Variants in LRRIQ1 observed in about 807,000 individuals in gnomAD.
LRRIQ1 encodes leucine rich repeats and IQ motif containing 1.
LRRIQ1 carries 210 observed loss-of-function variants against 211.9 expected under a neutral mutation model. The ratio of observed to expected loss-of-function variants is 0.99; its 90% confidence interval spans 0.89 to 1.11. The LOEUF is 1.11. Ranked by LOEUF, LRRIQ1 falls within the 50% of genes most tolerant of loss-of-function variation. LRRIQ1 has a pLI of 0.00. For missense variants in LRRIQ1, 2,136 were observed against 1,939.5 expected, an observed-to-expected ratio of 1.10 and a Z score of -1.90; for synonymous variants, 699 against 650.1, an observed-to-expected ratio of 1.08 and a Z score of -1.14.
intron 24 of LRRIQ1, among the ~76,000 whole-genome samples, chr12:85,211,807 G>A (rs530270750): frequency 6.6e-6 from 1 of 152,086 alleles, no homozygotes; most frequent in Admixed American, 6.6e-5. Context: ...ATTCATAAAT[G>A]ATGGGCAATA....
chr12:85,157,225 TA>T (rs762668919), intron 23 of LRRIQ1, among the ~76,000 whole-genome samples: 1 of 151,790 alleles, frequency 6.6e-6, no homozygotes, highest in Non-Finnish European at 1.5e-5. Flanking sequence ...GGGCAGCTAC[TA>T]GGGGAGACTT....
At chr12:85,218,046 T>TA (rs1203934841) in intron 24 of LRRIQ1, among the ~76,000 whole-genome samples, 1 of 152,064 alleles carries the variant, frequency 6.6e-6, no homozygotes, top group Admixed American at 6.6e-5. Flanking sequence ...GCCTCCTTCA[T>TA]GGTTATTACT....
At chr12:85,047,219 A>G in intron 5 of LRRIQ1, 28 bp from the exon 6 acceptor site, 1 of 1,498,346 alleles carries the variant, frequency 6.7e-7, no homozygotes, top group Non-Finnish European at 9.0e-7. Context: ...CTTACAAATG[A>G]TGATGTTATT....
exon 2 of LRRIQ1, chr12:85,263,686 C>T (rs1593038132): frequency 6.6e-6 from 1 of 151,742 alleles, no homozygotes; most frequent in Admixed American, 6.6e-5. Flanking sequence ...GTTTATTACC[C>T]TTATTTATAG....
chr12:85,257,087 T>A (rs1386793513), intron 1 of LRRIQ1, among the ~76,000 whole-genome samples: 1 of 93,886 alleles, frequency 1.1e-5, no homozygotes, highest in African/African-American at 3.8e-5. Flanking sequence ...TATATAATTA[T>A]ATTATATAAT....
intron 24 of LRRIQ1, among the ~76,000 whole-genome samples, chr12:85,174,098 T>C (rs1891562335): frequency 6.6e-6 from 1 of 151,316 alleles, no homozygotes; most frequent in Non-Finnish European, 1.5e-5. Context: ...ACATGAAAAT[T>C]AGGGAAAAAA....
At chr12:85,228,291 T>C (rs1380479617) in intron 24 of LRRIQ1, among the ~76,000 whole-genome samples, 1 of 152,110 alleles carries the variant, frequency 6.6e-6, no homozygotes, top group East Asian at 1.9e-4. Flanking sequence ...GGGGCTAATA[T>C]CCAGAATCTA....
At position 85,056,432 on chromosome 12, in the gene LRRIQ1, G is replaced by T; in HGVS notation, c.1639G>T (p.Glu547Ter). The change falls in exon 8 of 27, where the codon GAG becomes TAG. Residue 547 changes from glutamate (E) to a stop codon, truncating the protein, a stop_gained. Coordinates refer to ENST00000393217, the MANE Select transcript of LRRIQ1 (RefSeq NM_001079910.2). LOFTEE classifies it high-confidence loss of function. ...AAAAATCATGAAACATGTCATAAAT[G>T]AGAATACAGGACAAAAAACCCAGAT... is the stretch of plus-strand genomic sequence containing the variant. ...EEKIMKHVINENTGQKTQIIL... is the reference protein window; with the variant it reads ...EEKIMKHVIN 1 of 1,595,312 alleles carries T rather than the reference G, an allele frequency of 6.3e-7. No individual in the cohort carries two copies. Among genetic ancestry groups the T allele is most frequent in the South Asian group, 1.2e-5 (1 of 85,792 alleles).
intron 24 of LRRIQ1, among the ~76,000 whole-genome samples, chr12:85,205,272 T>A (rs1368167172): frequency 6.6e-6 from 1 of 152,218 alleles, no homozygotes; most frequent in African/African-American, 2.4e-5. Flanking sequence ...TGGGTATGTC[T>A]TTATCAGCAG....
chr12:85,203,875 G>A (rs762720057), intron 24 of LRRIQ1, among the ~76,000 whole-genome samples: 6 of 152,148 alleles, frequency 3.9e-5, no homozygotes, highest in Admixed American at 3.9e-4. Flanking sequence ...CGAGGAGAAG[G>A]TCAAGCAGGC....
chr12:85,177,497 G>A (rs1891765963), intron 24 of LRRIQ1, among the ~76,000 whole-genome samples: 2 of 152,092 alleles, frequency 1.3e-5, no homozygotes, highest in Admixed American at 1.3e-4. Flanking sequence ...GGGAGGTTGT[G>A]TAGAATGACT....
intron 8 of LRRIQ1, among the ~76,000 whole-genome samples, chr12:85,057,887 C>A (rs1258440165): frequency 6.6e-6 from 1 of 151,926 alleles, no homozygotes; most frequent in Non-Finnish European, 1.5e-5. Context: ...TAGCTAAGGC[C>A]TGAAAGTCAA....
chr12:85,251,710 T>G (rs1235656261), intron 1 of LRRIQ1, among the ~76,000 whole-genome samples: 1 of 151,188 alleles, frequency 6.6e-6, no homozygotes, highest in Non-Finnish European at 1.5e-5. Flanking sequence ...AGTTTGTCCA[T>G]TAAGAGAACA....
intron 10 of LRRIQ1, 127 bp downstream of exon 10, chr12:85,067,025 A>G: frequency 2.1e-6 from 1 of 486,496 alleles, no homozygotes; most frequent in Non-Finnish European, 3.3e-6. Context: ...TACTTTTAAA[A>G]TTTAGATTAA....
intron 24 of LRRIQ1, among the ~76,000 whole-genome samples, chr12:85,223,834 C>T (rs1894520356): frequency 6.6e-6 from 1 of 151,984 alleles, no homozygotes; most frequent in Non-Finnish European, 1.5e-5. Context: ...AGATATTTTA[C>T]AATGTACAAA....
rs1433570632 is a variant in LRRIQ1, at chr12:85,056,536, A to G, written c.1743A>G (p.Lys581=). ...EQKIIKDNQQ[K]KIQKVEKEEI... Reference sequence around the variant, plus strand: ...AAATAATCAAAGATAATCAGCAGAAAAAGATACAAAAAGTAGAAAAAGAAG... The same window carrying G: ...AAATAATCAAAGATAATCAGCAGAAGAAGATACAAAAAGTAGAAAAAGAAG... The change falls in exon 8 of 27, where the codon AAA becomes AAG. Residue 581 remains lysine, a synonymous_variant. Coordinates refer to ENST00000393217, the MANE Select transcript of LRRIQ1 (RefSeq NM_001079910.2). 6.2e-7 allele frequency: 1 copy of G among 1,609,406 alleles called. No homozygotes were observed. Among genetic ancestry groups the G allele is most frequent in the African/African-American group, 1.3e-5 (1 of 74,620 alleles).
intron 11 of LRRIQ1, among the ~76,000 whole-genome samples, chr12:85,084,883 G>C (rs1057084774): frequency 4.0e-5 from 6 of 150,282 alleles, no homozygotes; most frequent in African/African-American, 1.2e-4. Flanking sequence ...CTGAGATCGC[G>C]CCACTGCACT....
At chr12:85,229,775 T>C (rs1894845185) in intron 25 of LRRIQ1, 126 bp downstream of exon 25, 1 of 847,438 alleles carries the variant, frequency 1.2e-6, no homozygotes, top group African/African-American at 1.8e-5. Flanking sequence ...CGTTGCCGGG[T>C]AATACAAAGG....
At chr12:85,091,077 A>G (rs992639820) in intron 11 of LRRIQ1, among the ~76,000 whole-genome samples, 4 of 151,728 alleles carry the variant, frequency 2.6e-5, no homozygotes, top group African/African-American at 9.7e-5. Flanking sequence ...CCTCTCTCTC[A>G]CTTGCTTCTT....
Sources: gnomAD v4.1 joint callset for allele counts (sites outside exome capture counted in the v4.1 genomes callset) on GRCh38, gnomAD v4.1.1 for gene constraint, MANE v1.5 for transcripts, NCBI Gene and HGNC (gene_info 2026-07-23, HGNC 2026-07-21) for gene names.